Variants in APAF1 observed in about 807,000 individuals in gnomAD.
APAF1 encodes apoptotic protease-activating factor 1.
Under a neutral mutation model 152.4 loss-of-function variants are expected in APAF1, and 91 were observed. That is an observed-to-expected ratio of 0.60 (90% CI 0.50 to 0.71). The LOEUF is 0.71. APAF1 is among the 30% of genes least tolerant of loss of function. APAF1 has a pLI of 0.00. For synonymous variants in APAF1, 484 were observed against 494.1 expected (o/e 0.98, Z 0.27); for missense variants, 1,283 against 1,472.0 (o/e 0.87, Z 2.10).
Position 98,711,813 on chromosome 12 carries a change from C to G in APAF1, c.2842-506C>G, listed in dbSNP as rs149563295. Among the ~76,000 whole-genome samples, 641 of 151,566 alleles carry G rather than the reference C, an allele frequency of 4.2e-3. 2 individuals carry two copies. The highest frequency in any genetic ancestry group is 0.014 in the African/African-American group (590 of 41,508). On this transcript the variant is annotated intron_variant, in intron 20 of 26. Coordinates refer to ENST00000551964, the MANE Select transcript of APAF1 (RefSeq NM_181861.2). The stretch of plus-strand genomic sequence containing the variant: ...TGCTTATGAGTTCTTCTCCATTGTC[C>G]TCACTGCCCCAGCTCCAAGAAAAAG...
At chr12:98,700,418 C>T (rs1354523818) in intron 17 of APAF1, among the ~76,000 whole-genome samples, 1 of 152,086 alleles carries the variant, frequency 6.6e-6, no homozygotes, top group Admixed American at 6.6e-5. Context: ...TAAGAACTCA[C>T]TGAGGGATCA....
intron 8 of APAF1, 57 bp from the exon 9 acceptor site, chr12:98,666,133 C>T (rs923486452): frequency 2.0e-6 from 3 of 1,515,874 alleles, no homozygotes; most frequent in South Asian, 1.1e-5. Context: ...TAATACCTGT[C>T]TACAGTCCTG....
At chr12:98,672,942 G>C (rs2097682157) in intron 12 of APAF1, among the ~76,000 whole-genome samples, 1 of 151,462 alleles carries the variant, frequency 6.6e-6, no homozygotes, top group South Asian at 2.1e-4. Context: ...TTTTTTAGTA[G>C]AGACAGGGTT....
chr12:98,716,196 A>G (rs1565891269), intron 22 of APAF1, among the ~76,000 whole-genome samples: 1 of 152,182 alleles, frequency 6.6e-6, no homozygotes, highest in Non-Finnish European at 1.5e-5. Flanking sequence ...TCTATATGGC[A>G]TGCTTATAGT....
intron 15 of APAF1, 69 bp downstream of exon 15, chr12:98,683,343 C>T: frequency 7.0e-7 from 1 of 1,436,242 alleles, no homozygotes; most frequent in Non-Finnish European, 9.8e-7. Flanking sequence ...CTTTGATTTT[C>T]TTATGTATAC....
Position 98,659,167 on chromosome 12 carries a change from C to G in APAF1, c.534C>G (p.Phe178Leu). ...TATTCTTTCCCTCACTAGGTTGTTT[C>G]CCAGGGGGAGTGCATTGGGTTTCAG... ...VRDHSLLEGC[F>L]PGGVHWVSVG... Residue 178 changes from phenylalanine (F) to leucine (L), a missense_variant, in exon 5 of 27, where the codon TTC becomes TTG. Phe to Leu is a conservative substitution (Grantham distance 22). Transcript: ENST00000551964. 1 of 1,614,146 alleles carries G rather than the reference C, an allele frequency of 6.2e-7. No homozygotes were observed.
chr12:98,682,856 A>G (rs2097693891), intron 14 of APAF1, among the ~76,000 whole-genome samples: 1 of 152,226 alleles, frequency 6.6e-6, no homozygotes. Flanking sequence ...GCTTTCATTC[A>G]TATAAACATG....
At chr12:98,668,699 A>G (rs1210519851) in intron 10 of APAF1, among the ~76,000 whole-genome samples, 2 of 152,216 alleles carry the variant, frequency 1.3e-5, no homozygotes, top group African/African-American at 2.4e-5. Flanking sequence ...ACCCCAGTGG[A>G]AAGAACGGAG....
chr12:98,666,862 T>G (rs542367409), intron 9 of APAF1, among the ~76,000 whole-genome samples: 5 of 152,254 alleles, frequency 3.3e-5, no homozygotes, highest in African/African-American at 9.6e-5. Flanking sequence ...TTTAAAAAAT[T>G]TTTTGTAGAG....
chr12:98,648,211 G>A, intron 1 of APAF1, 108 bp from the exon 2 acceptor site: 1 of 1,149,428 alleles, frequency 8.7e-7, no homozygotes, highest in South Asian at 1.4e-5. Context: ...TTTTTGCCAA[G>A]GAAAAAAAAT....
At chr12:98,670,847 T>C in intron 10 of APAF1, 126 bp from the exon 11 acceptor site, 1 of 657,430 alleles carries the variant, frequency 1.5e-6, no homozygotes. Flanking sequence ...TCTTTCTCAC[T>C]AGCTTTTGCA....
chr12:98,649,422 T>TG (rs1472662388), intron 3 of APAF1, 65 bp from the exon 4 acceptor site: 6 of 1,556,864 alleles, frequency 3.9e-6, no homozygotes, highest in Non-Finnish European at 5.3e-6. Flanking sequence ...TTGTTTTTTA[T>TG]GGTATTACTT....
Position 98,732,585 on chromosome 12 carries a change from T to C in APAF1, c.*19T>C, listed in dbSNP as rs1225828520. The C allele has an allele frequency of 2.7e-6, 4 of 1,499,068 alleles. No individual in the cohort carries two copies. Among genetic ancestry groups the C allele is most frequent in the Non-Finnish European group, 3.7e-6 (4 of 1,091,286 alleles). The allele number at this position is 1,499,068 out of a possible 1,614,324, so 92.9% of individuals were successfully genotyped here. A position where few individuals can be genotyped will look rare whatever the true frequency, so the allele number is the denominator to read the frequency against. The stretch of plus-strand genomic sequence containing the variant: ...AGAATAAAATAGTTAAGCATTAATG[T>C]AGTTGAACTTTTTAAATTTTTGAAT... On this transcript the variant is annotated 3_prime_UTR_variant, in exon 27 of 27. Transcript: ENST00000551964.
In APAF1 at chr12:98,733,136, C is replaced by CT. The variant is rs1281557330; in HGVS notation, c.*580dup. 536 of 149,072 alleles carry CT rather than the reference C, an allele frequency of 3.6e-3. 2 individuals carry two copies. The highest frequency in any genetic ancestry group is 0.012 in the African/African-American group (487 of 40,554). The allele number at this position is 149,072 out of a possible 1,614,324, so 9.2% of individuals were successfully genotyped here. A position where few individuals can be genotyped will look rare whatever the true frequency, so the allele number is the denominator to read the frequency against. On this transcript the variant is annotated 3_prime_UTR_variant, in exon 27 of 27. Coordinates refer to ENST00000551964, the MANE Select transcript of APAF1 (RefSeq NM_181861.2). ...TCTTGGATTTAGCAGGCCCCCCCAC[C>CT]TTTTTTTTTTGTTTTTGGAGACAGA...
chr12:98,712,061 C>T (rs144579512), intron 20 of APAF1, among the ~76,000 whole-genome samples: 252 of 152,096 alleles, frequency 1.7e-3, no homozygotes, highest in Non-Finnish European at 3.0e-3. Context: ...AGGTGGCGGG[C>T]GCAGCAGCTG....
chr12:98,666,436 GTAGA>G lies in APAF1; in HGVS notation c.1362+83_1362+86del, dbSNP rs923558535. 5.0e-6 allele frequency: 7 copies of G among 1,411,206 alleles called. 1 individual carries two copies. The South Asian group carries it at 8.7e-5, about 18-fold the overall frequency. The allele number at this position is 1,411,206 out of a possible 1,614,324, so 87.4% of individuals were successfully genotyped here. ...AGATTTATTGAAAATTTACAAAATA[GTAGA>G]TAGTTTCTGTGCATAAGTCCTTCAC... is the stretch of plus-strand genomic sequence containing the variant. On this transcript the variant is annotated intron_variant, in intron 9 of 26. Coordinates refer to ENST00000551964, the MANE Select transcript of APAF1 (RefSeq NM_181861.2).
At chr12:98,673,576 A>G (rs2097683198) in intron 12 of APAF1, among the ~76,000 whole-genome samples, 1 of 152,094 alleles carries the variant, frequency 6.6e-6, no homozygotes, top group African/African-American at 2.4e-5. Context: ...TATAATTTAT[A>G]TCTAAATAGA....
chr12:98,676,130 A>G (rs919864598), intron 12 of APAF1, among the ~76,000 whole-genome samples: 1 of 152,256 alleles, frequency 6.6e-6, no homozygotes, highest in Non-Finnish European at 1.5e-5. Context: ...TCAAAGTGAC[A>G]GGGATGTAAC....
intron 10 of APAF1, among the ~76,000 whole-genome samples, chr12:98,669,303 T>C (rs895024622): frequency 3.9e-5 from 6 of 152,236 alleles, no homozygotes; most frequent in Admixed American, 2.0e-4. Flanking sequence ...GCTTTTGACA[T>C]GTATGATAGT....
Sources: gnomAD v4.1 joint callset for allele counts (sites outside exome capture counted in the v4.1 genomes callset) on GRCh38, gnomAD v4.1.1 for gene constraint, MANE v1.5 for transcripts, NCBI Gene and HGNC (gene_info 2026-07-23, HGNC 2026-07-21) for gene names.